The following MS4A1 variants were observed in gnomAD, a reference collection of about 807,000 sequenced individuals.
MS4A1 encodes the protein B-lymphocyte antigen CD20.
In MS4A1, 16 loss-of-function variants were observed where a neutral mutation model predicts 26.5. The ratio of observed to expected loss-of-function variants is 0.60; its 90% CI spans 0.41 to 0.92. The LOEUF is 0.92. MS4A1 is among the 40% of genes least tolerant of loss of function. The pLI is 0.00. For missense variants in MS4A1, 350 were observed against 353.0 expected (o/e 0.99, Z 0.07); for synonymous variants, 128 against 117.6 (o/e 1.09, Z -0.57).
At position 60,456,814 on chromosome 11, in the gene MS4A1, G is replaced by T. The variant is rs375155572; in HGVS notation, c.-280+869G>T. On this transcript the variant is annotated intron_variant, in intron 1 of 7. Transcript: ENST00000345732. The stretch of plus-strand genomic sequence containing the variant: ...TTTGTTTGTTTGTTCATTTTTTAGT[G>T]GAGACAAGGTTTCTCCATGTTGGCC... Among the ~76,000 whole-genome samples, 129 of 152,124 alleles carry T rather than the reference G, an allele frequency of 8.5e-4. 1 individual carries two copies. The highest frequency in any genetic ancestry group is 2.9e-3 in the African/African-American group (122 of 41,486).
rs779922206 is a variant in MS4A1, at chr11:60,468,274, GA to G, written c.708del (p.Glu237AsnfsTer6). ...KSNIVLLSAEEKKEQTIEIKE... is the reference protein window; with the variant it reads ...KSNIVLLSAEXKKEQTIEIKE... The stretch of plus-strand genomic sequence containing the variant: ...GAACATAGTTCTCCTGTCAGCAGAA[GA>G]AAAAAAAGAACAGACTATTGAAATA... On this transcript the variant is annotated frameshift_variant, in exon 8 of 8. Transcript: ENST00000345732. LOFTEE classifies it high-confidence loss of function. 8.1e-6 allele frequency: 13 copies of G among 1,612,176 alleles called. No individual in the cohort carries two copies. Among genetic ancestry groups the G allele is most frequent in the East Asian group, 2.2e-5 (1 of 44,840 alleles).
chr11:60,464,688 A>T (rs1402765785), intron 5 of MS4A1, among the ~76,000 whole-genome samples: 2 of 152,220 alleles, frequency 1.3e-5, no homozygotes, highest in African/African-American at 4.8e-5. Context: ...GATTGATTCA[A>T]ATTCTAGCTA....
Position 60,462,851 on chromosome 11 carries a change from A to T in MS4A1, c.160-151A>T, listed in dbSNP as rs552935211. 5.9e-5 allele frequency: 73 copies of T among 1,243,296 alleles called. No individual in the cohort carries two copies. The African/African-American group carries it at 9.1e-4, about 16-fold the overall frequency. The allele number at this position is 1,243,296 out of a possible 1,614,324, so 77.0% of individuals were successfully genotyped here. A position where few individuals can be genotyped will look rare whatever the true frequency, so the allele number is the denominator to read the frequency against. On this transcript the variant is annotated intron_variant, in intron 3 of 7. Transcript: ENST00000345732. The stretch of plus-strand genomic sequence containing the variant: ...CATGTGGTTGAGGAAACAGATTCGA[A>T]CAAGAAAAAGACAAAATTCTTGGCA...
intron 4 of MS4A1, 103 bp downstream of exon 4, chr11:60,463,224 G>C: frequency 3.3e-6 from 5 of 1,495,246 alleles, no homozygotes; most frequent in Non-Finnish European, 3.7e-6. Flanking sequence ...GGAAATATAT[G>C]AGTAGGAAAT....
chr11:60,462,372 A>T lies in MS4A1; in HGVS notation c.-3A>T, dbSNP rs1219372240. 3.1e-6 allele frequency: 5 copies of T among 1,614,136 alleles called. No individual in the cohort carries two copies. The highest frequency in any genetic ancestry group is 1.3e-5 in the African/African-American group (1 of 74,944). On this transcript the variant is annotated 5_prime_UTR_variant, in exon 3 of 8. Transcript: ENST00000345732. ...TTTTATTTTTAGGAGTTTTGAGAGC[A>T]AAATGACAACACCCAGAAATTCAGT... is the stretch of plus-strand genomic sequence containing the variant.
rs1371118238 is a variant in MS4A1 at position 60,470,601 on chromosome 11, T to A, written c.*2133T>A. On this transcript the variant is annotated 3_prime_UTR_variant, in exon 8 of 8. Coordinates refer to ENST00000345732, the MANE Select transcript of MS4A1 (RefSeq NM_152866.3). ...CTCCCCGATTATCCCTTTGGCAATA[T>A]AGAGTCAAATAATAACATTGACCAA... The A allele has an allele frequency of 6.6e-6, 1 of 151,998 alleles. No individual in the cohort carries two copies. Among genetic ancestry groups the A allele is most frequent in the Non-Finnish European group, 1.5e-5 (1 of 67,888 alleles). 9.4% of individuals were successfully genotyped at this position (151,998 alleles called of 1,614,324 possible). A position where few individuals can be genotyped will look rare whatever the true frequency, so the allele number is the denominator to read the frequency against.
intron 7 of MS4A1, 65 bp from the exon 8 acceptor site, chr11:60,468,184 TG>T: frequency 1.6e-6 from 2 of 1,269,588 alleles, no homozygotes; most frequent in Non-Finnish European, 2.2e-6. Context: ...TAAATGTTTG[TG>T]GAGATTGTTG....
intron 4 of MS4A1, 23 bp downstream of exon 4, chr11:60,463,144 T>C: frequency 6.2e-7 from 1 of 1,614,074 alleles, no homozygotes. Flanking sequence ...ATAGCAGCCA[T>C]TTGGGAAATG....
chr11:60,469,571 C>A lies in MS4A1; in HGVS notation c.*1103C>A, dbSNP rs893694264. ...AACAAGCACTGAGAGACACAGAGAGCCAGATTCAGATTTTACCCATGGGGA... is the reference window on the plus strand; with the variant it reads ...AACAAGCACTGAGAGACACAGAGAGACAGATTCAGATTTTACCCATGGGGA... On this transcript the variant is annotated 3_prime_UTR_variant, in exon 8 of 8. Coordinates refer to ENST00000345732, the MANE Select transcript of MS4A1 (RefSeq NM_152866.3). 4 of 152,164 alleles carry A rather than the reference C, an allele frequency of 2.6e-5. No individual in the cohort carries two copies. Among genetic ancestry groups the A allele is most frequent in the African/African-American group, 9.6e-5 (4 of 41,534 alleles). 9.4% of individuals were successfully genotyped at this position (152,164 alleles called of 1,614,324 possible). A position where few individuals can be genotyped will look rare whatever the true frequency, so the allele number is the denominator to read the frequency against.
At position 60,462,401 on chromosome 11, in the gene MS4A1, T is replaced by C; in HGVS notation, c.27T>C (p.Asn9=). MTTPRNSV[N]GTFPAEPMKG... ...TGACAACACCCAGAAATTCAGTAAATGGGACTTTCCCGGCAGAGCCAATGA... is the reference window on the plus strand; with the variant it reads ...TGACAACACCCAGAAATTCAGTAAACGGGACTTTCCCGGCAGAGCCAATGA... Residue 9 remains asparagine, a synonymous_variant, in exon 3 of 8, where the codon AAT becomes AAC. Transcript: ENST00000345732. 1 of 1,614,192 alleles carries C rather than the reference T, an allele frequency of 6.2e-7. No individual in the cohort carries two copies. The highest frequency in any genetic ancestry group is 1.1e-5 in the South Asian group (1 of 91,072).
chr11:60,457,590 C>G (rs1565192702), intron 1 of MS4A1, among the ~76,000 whole-genome samples: 1 of 152,064 alleles, frequency 6.6e-6, no homozygotes, highest in African/African-American at 2.4e-5. Flanking sequence ...ACTGACTGAC[C>G]AACAGCCAAG....
rs935992959 is a variant in MS4A1, at chr11:60,461,810, G to A, written c.-190-375G>A. On this transcript the variant is annotated intron_variant, in intron 2 of 7. Transcript: ENST00000345732. ...GCTTGGATTACAGGCATGAGCCACC[G>A]TGCCCGACCTAGAGAGCCTTCTTGA... Among the ~76,000 whole-genome samples the A allele has an allele frequency of 1.1e-4, 16 of 149,856 alleles. 1 individual carries two copies. Among genetic ancestry groups the A allele is most frequent in the Admixed American group, 3.0e-4 (4 of 13,428 alleles).
In MS4A1 at chr11:60,462,457, A is replaced by C; in HGVS notation, c.83A>C (p.Lys28Thr). 6.2e-7 allele frequency: 1 copy of C among 1,614,158 alleles called. No individual in the cohort carries two copies. The highest frequency in any genetic ancestry group is 8.5e-7 in the Non-Finnish European group (1 of 1,180,018). The change falls in exon 3 of 8, where the codon AAA (lysine) becomes ACA (threonine). Residue 28 changes from lysine to threonine, a missense_variant. Physicochemically the swap from Lys to Thr is moderately conservative, Grantham distance 78. Coordinates refer to ENST00000345732, the MANE Select transcript of MS4A1 (RefSeq NM_152866.3). Reference sequence around the variant, plus strand: ...CCTATTGCTATGCAATCTGGTCCAAAACCACTCTTCAGGAGGATGTCTTCA... The same window carrying C: ...CCTATTGCTATGCAATCTGGTCCAACACCACTCTTCAGGAGGATGTCTTCA... ...KGPIAMQSGPKPLFRRMSSLV... is the reference protein window; with the variant it reads ...KGPIAMQSGPTPLFRRMSSLV...
chr11:60,467,271 G>C (rs1406429515), intron 7 of MS4A1, among the ~76,000 whole-genome samples: 4 of 148,116 alleles, frequency 2.7e-5, no homozygotes, highest in Admixed American at 2.0e-4. Context: ...TCTATATTCT[G>C]TGCGTCTTTT....
At position 60,462,509 on chromosome 11, in the gene MS4A1, C is replaced by A. The variant is rs2086256493; in HGVS notation, c.135C>A (p.Phe45Leu). ...TGGTGGGCCCCACGCAAAGCTTCTT[C>A]ATGAGGGAATCTAAGACTTTGGGGG... ...SSLVGPTQSF[F>L]MRESKTLGAV... The change falls in exon 3 of 8, where the codon TTC becomes TTA. Residue 45 changes from phenylalanine to leucine, a missense_variant. Coordinates refer to ENST00000345732, the MANE Select transcript of MS4A1 (RefSeq NM_152866.3). The A allele has an allele frequency of 6.2e-7, 1 of 1,614,204 alleles. No homozygotes were observed. Among genetic ancestry groups the A allele is most frequent in the East Asian group, 2.2e-5 (1 of 44,882 alleles).
Position 60,466,942 on chromosome 11 carries a change from C to A in MS4A1, c.574-17C>A. ...CCATTATTACATTTTCACCTTCATT[C>A]TTCTGTTGTTTTTCAGGGCATTTTG... On this transcript the variant is annotated splice_polypyrimidine_tract_variant and intron_variant, in intron 6 of 7. Transcript: ENST00000345732. 1 of 1,610,664 alleles carries A rather than the reference C, an allele frequency of 6.2e-7. No homozygotes were observed. Among genetic ancestry groups the A allele is most frequent in the Non-Finnish European group, 8.5e-7 (1 of 1,176,854 alleles).
rs895673408 is a variant in MS4A1 at position 60,467,170 on chromosome 11, T to TA, written c.675+121dup. ...AGTTGTTGAAACTAGGAGCTTGATT[T>TA]AAAAAAAAAAATTGGTCTTGGCATA... On this transcript the variant is annotated intron_variant, in intron 7 of 7. Coordinates refer to ENST00000345732, the MANE Select transcript of MS4A1 (RefSeq NM_152866.3). 6,593 of 717,428 alleles carry TA rather than the reference T, an allele frequency of 9.2e-3. 1 individual carries two copies. The highest frequency in any genetic ancestry group is 0.013 in the East Asian group (378 of 29,678). The allele number at this position is 717,428 out of a possible 1,614,324, so 44.4% of individuals were successfully genotyped here. A position where few individuals can be genotyped will look rare whatever the true frequency, so the allele number is the denominator to read the frequency against.
rs983524771 is a variant in MS4A1, at chr11:60,462,859, A to G, written c.160-143A>G. ...TGAGGAAACAGATTCGAACAAGAAA[A>G]AGACAAAATTCTTGGCACCTCCACT... On this transcript the variant is annotated intron_variant, in intron 3 of 7. Coordinates refer to ENST00000345732, the MANE Select transcript of MS4A1 (RefSeq NM_152866.3). The G allele has an allele frequency of 6.9e-6, 9 of 1,308,682 alleles. No homozygotes were observed. The East Asian group carries it at 1.8e-4, about 27-fold the overall frequency. 81.1% of individuals were successfully genotyped at this position (1,308,682 alleles called of 1,614,324 possible). A position where few individuals can be genotyped will look rare whatever the true frequency, so the allele number is the denominator to read the frequency against.
At chr11:60,462,563 T>C (rs1388577953) in intron 3 of MS4A1, 30 bp downstream of exon 3, 11 of 1,613,794 alleles carry the variant, frequency 6.8e-6, no homozygotes, top group Non-Finnish European at 6.8e-6. Context: ...TCCCATGTCG[T>C]AGGGATTCTC....
Sources: allele counts gnomAD v4.1 joint callset (sites outside exome capture counted in the v4.1 genomes callset), GRCh38; gene constraint gnomAD v4.1.1; transcripts MANE v1.5; gene names NCBI Gene and HGNC (gene_info 2026-07-23, HGNC 2026-07-21).